RIOK1: variants seen among roughly 807,000 people sequenced by gnomAD.
The protein encoded by RIOK1 is serine/threonine-protein kinase RIO1.
A neutral mutation model predicts 73.5 loss-of-function variants in RIOK1; 66 were observed. The observed-to-expected ratio is 0.90, with a 90% CI of 0.74 to 1.10. The LOEUF (loss-of-function observed/expected upper bound fraction) is 1.10. Ranked by LOEUF, RIOK1 falls within the 50% of genes least tolerant of loss-of-function variation. RIOK1 has a pLI of 0.00. For synonymous variants in RIOK1, 224 were observed against 226.8 expected, an observed-to-expected ratio of 0.99 and a Z score of 0.11; for missense variants, 658 against 699.8, an observed-to-expected ratio of 0.94 and a Z score of 0.67.
rs752267936 is a variant in RIOK1, at chr6:7,404,469, G to T, written c.906G>T (p.Glu302Asp). The T allele has an allele frequency of 4.3e-6, 7 of 1,614,048 alleles. 1 individual carries two copies. Among genetic ancestry groups the T allele is most frequent in the Non-Finnish European group, 5.9e-6 (7 of 1,180,020 alleles). ...NVQLSESKAR[E>D]LYLQVIQYMR... Reference sequence around the variant, plus strand: ...AGTTATCAGAATCCAAGGCTCGGGAGTTGTACCTGCAGGTCATTCAGTACA... The same window carrying T: ...AGTTATCAGAATCCAAGGCTCGGGATTTGTACCTGCAGGTCATTCAGTACA... Residue 302 changes from glutamate (E) to aspartate (D), a missense_variant, in exon 10 of 17, where the codon GAG (glutamate) becomes GAT (aspartate). Glu to Asp is a conservative substitution (Grantham distance 45). Coordinates refer to ENST00000379834, the MANE Select transcript of RIOK1 (RefSeq NM_031480.3).
chr6:7,397,783 G>A (rs535746930), intron 4 of RIOK1, among the ~76,000 whole-genome samples: 1 of 152,210 alleles, frequency 6.6e-6, no homozygotes, highest in Non-Finnish European at 1.5e-5. Context: ...GCTAGGTGGA[G>A]TCACTCAGTG....
At chr6:7,411,499 G>T in intron 14 of RIOK1, 48 bp downstream of exon 14, 1 of 1,609,046 alleles carries the variant, frequency 6.2e-7, no homozygotes, top group South Asian at 1.1e-5. Flanking sequence ...AAAAGTAGTA[G>T]GGGACTGTCC....
At chr6:7,410,360 A>C (rs1424094936) in intron 12 of RIOK1, 26 bp from the exon 13 acceptor site, 1 of 1,563,792 alleles carries the variant, frequency 6.4e-7, no homozygotes. Flanking sequence ...AATATAAAAG[A>C]AAGTCATTTT....
In RIOK1 at chr6:7,402,718, A is replaced by G. The variant is rs1434836047; in HGVS notation, c.686+3A>G. The G allele has an allele frequency of 6.2e-7, 1 of 1,608,010 alleles. No homozygotes were observed. Among genetic ancestry groups the G allele is most frequent in the Non-Finnish European group, 8.5e-7 (1 of 1,176,752 alleles). On this transcript the variant is annotated splice_donor_region_variant and intron_variant, in intron 7 of 16. Coordinates refer to ENST00000379834, the MANE Select transcript of RIOK1 (RefSeq NM_031480.3). The stretch of plus-strand genomic sequence containing the variant: ...AAATATGTAAGTGGAGAATTCAGGT[A>G]AGTTCAGATTTTTCCCTCCAGTTGG...
chr6:7,404,523 T>C lies in RIOK1; in HGVS notation c.960T>C (p.Leu320=), dbSNP rs56019062. ...YMRRMYQDAR[L]VHADLSEFNM... ...GAAGAATGTATCAGGATGCCAGACT[T>C]GTCCATGCAGATCTCAGTGAATTTA... The change falls in exon 10 of 17, where the codon CTT becomes CTC. Residue 320 remains leucine, a synonymous_variant. Coordinates refer to ENST00000379834, the MANE Select transcript of RIOK1 (RefSeq NM_031480.3). 6,347 of 1,614,154 alleles carry C rather than the reference T, an allele frequency of 3.9e-3. 63 individuals carry two copies. Among genetic ancestry groups the C allele is most frequent in the African/African-American group, 0.038 (2,830 of 75,038 alleles).
Position 7,389,837 on chromosome 6 carries a change from G to C in RIOK1, c.-166G>C. ...TTCCGGTTGGGGTGGCAGGGTGGTG[G>C]ATCTGTCGGTCCCGTTTTCCCGTCG... is the stretch of plus-strand genomic sequence containing the variant. On this transcript the variant is annotated 5_prime_UTR_variant, in exon 1 of 17. Transcript: ENST00000379834. 1 of 613,562 alleles carries C rather than the reference G, an allele frequency of 1.6e-6. No homozygotes were observed. The highest frequency in any genetic ancestry group is 2.9e-6 in the Non-Finnish European group (1 of 340,390). The allele number at this position is 613,562 out of a possible 1,614,324, so 38.0% of individuals were successfully genotyped here. A position where few individuals can be genotyped will look rare whatever the true frequency, so the allele number is the denominator to read the frequency against.
At chr6:7,400,825 T>C in intron 5 of RIOK1, 133 bp from the exon 6 acceptor site, 3 of 577,636 alleles carry the variant, frequency 5.2e-6, no homozygotes, top group Admixed American at 7.2e-5. Context: ...AAGCACCAAA[T>C]AGTGACTCTC....
intron 5 of RIOK1, 136 bp from the exon 6 acceptor site, chr6:7,400,822 A>C: frequency 5.2e-6 from 3 of 576,840 alleles, no homozygotes; most frequent in Non-Finnish European, 9.1e-6. Context: ...TAAAAGCACC[A>C]AATAGTGACT....
rs2113490879 is a variant in RIOK1, at chr6:7,389,914, G to A, written c.-89G>A. ...AATGGTTTGCAAGGCGGATATCCACGCCAAGGCCTTTGGATCGGCCGTGGG... is the reference window on the plus strand; with the variant it reads ...AATGGTTTGCAAGGCGGATATCCACACCAAGGCCTTTGGATCGGCCGTGGG... On this transcript the variant is annotated 5_prime_UTR_variant, in exon 1 of 17. Coordinates refer to ENST00000379834, the MANE Select transcript of RIOK1 (RefSeq NM_031480.3). 9.8e-7 allele frequency: 1 copy of A among 1,025,414 alleles called. No individual in the cohort carries two copies. Among genetic ancestry groups the A allele is most frequent in the Non-Finnish European group, 1.4e-6 (1 of 698,234 alleles). 63.5% of individuals were successfully genotyped at this position (1,025,414 alleles called of 1,614,324 possible). A position where few individuals can be genotyped will look rare whatever the true frequency, so the allele number is the denominator to read the frequency against.
chr6:7,414,535 G>C lies in RIOK1; in HGVS notation c.1596+145G>C, dbSNP rs557371753. ...AATTACAGTTTTAATACCTAAGTGT[G>C]AACTTGACTTTTGGTGGTAACATTA... On this transcript the variant is annotated intron_variant, in intron 16 of 16. Coordinates refer to ENST00000379834, the MANE Select transcript of RIOK1 (RefSeq NM_031480.3). 2.3e-5 allele frequency: 18 copies of C among 785,186 alleles called. No individual in the cohort carries two copies. In the African/African-American group the frequency reaches 3.0e-4, roughly 13 times the overall value. The allele number at this position is 785,186 out of a possible 1,614,324, so 48.6% of individuals were successfully genotyped here. A position where few individuals can be genotyped will look rare whatever the true frequency, so the allele number is the denominator to read the frequency against.
intron 12 of RIOK1, 131 bp downstream of exon 12, chr6:7,405,486 TAC>T (rs1275102034): frequency 1.7e-6 from 1 of 579,952 alleles, no homozygotes; most frequent in Non-Finnish European, 3.0e-6. Context: ...GCCTTGTACT[TAC>T]CCTAGTTGAG....
chr6:7,400,581 T>C (rs1478874996), intron 5 of RIOK1, among the ~76,000 whole-genome samples: 11 of 152,242 alleles, frequency 7.2e-5, no homozygotes, highest in Admixed American at 7.2e-4. Context: ...TTAAATAAAA[T>C]ATATTAAGAT....
chr6:7,404,478 G>A lies in RIOK1; in HGVS notation c.915G>A (p.Leu305=). Residue 305 remains leucine (L), a synonymous_variant, in exon 10 of 17, where the codon CTG becomes CTA. Coordinates refer to ENST00000379834, the MANE Select transcript of RIOK1 (RefSeq NM_031480.3). ...AATCCAAGGCTCGGGAGTTGTACCT[G>A]CAGGTCATTCAGTACATGAGAAGAA... ...LSESKARELY[L]QVIQYMRRMY... 6.2e-7 allele frequency: 1 copy of A among 1,614,124 alleles called. No individual in the cohort carries two copies. Among genetic ancestry groups the A allele is most frequent in the Non-Finnish European group, 8.5e-7 (1 of 1,179,974 alleles).
rs1303635771 is a variant in RIOK1, at chr6:7,400,971, G to A, written c.494G>A (p.Arg165Lys). 6.2e-7 allele frequency: 1 copy of A among 1,607,796 alleles called. No homozygotes were observed. The highest frequency in any genetic ancestry group is 8.5e-7 in the Non-Finnish European group (1 of 1,176,236). Residue 165 changes from arginine (R) to lysine (K), a missense_variant, in exon 6 of 17, where the codon AGA becomes AAA. Coordinates refer to ENST00000379834, the MANE Select transcript of RIOK1 (RefSeq NM_031480.3). ...ATTTCTTTTTAGGTGTTGGATCCCA[G>A]AACAAGAATGATTTTATTCAAGATG... ...RATVEQVLDP[R>K]TRMILFKMLT...
Position 7,398,722 on chromosome 6 carries a change from C to G in RIOK1, c.462C>G (p.Asp154Glu). Reference sequence around the variant, plus strand: ...GGTATCGCATCAAAGATAAGGCAGACAGAGCAACTGTAGAACAGGTACAAT... The same window carrying G: ...GGTATCGCATCAAAGATAAGGCAGAGAGAGCAACTGTAGAACAGGTACAAT... ...ADMYRIKDKA[D>E]RATVEQVLDP... is the part of the protein sequence containing the mutation. Residue 154 changes from aspartate (D) to glutamate (E), a missense_variant, in exon 5 of 17, where the codon GAC becomes GAG. Coordinates refer to ENST00000379834, the MANE Select transcript of RIOK1 (RefSeq NM_031480.3). 6.2e-7 allele frequency: 1 copy of G among 1,612,674 alleles called. No homozygotes were observed. Among genetic ancestry groups the G allele is most frequent in the African/African-American group, 1.3e-5 (1 of 75,016 alleles).
chr6:7,408,499 G>A (rs1435604249), intron 12 of RIOK1, among the ~76,000 whole-genome samples: 2 of 152,128 alleles, frequency 1.3e-5, no homozygotes, highest in African/African-American at 4.8e-5. Flanking sequence ...CATAGGTGTA[G>A]TCTCCTACAA....
chr6:7,394,921 C>A, intron 2 of RIOK1, 132 bp from the exon 3 acceptor site: 2 of 1,419,592 alleles, frequency 1.4e-6, no homozygotes, highest in Non-Finnish European at 1.9e-6. Flanking sequence ...ATTTGATTGA[C>A]TCTTACCTTT....
At chr6:7,390,987 A>G (rs1581708073) in intron 1 of RIOK1, among the ~76,000 whole-genome samples, 1 of 152,304 alleles carries the variant, frequency 6.6e-6, no homozygotes, top group Admixed American at 6.5e-5. Flanking sequence ...GATCCTAAAG[A>G]TATGTCTTGG....
At chr6:7,402,942 T>C (rs1561877401) in intron 8 of RIOK1, 45 bp downstream of exon 8, 1 of 1,544,732 alleles carries the variant, frequency 6.5e-7, no homozygotes, top group Non-Finnish European at 8.9e-7. Flanking sequence ...GCCCTGTACA[T>C]GAACATCAGC....
Sources: allele counts gnomAD v4.1 joint callset (sites outside exome capture counted in the v4.1 genomes callset), GRCh38; gene constraint gnomAD v4.1.1; transcripts MANE v1.5; gene names NCBI Gene and HGNC (gene_info 2026-07-23, HGNC 2026-07-21).